Variants in ZMAT4 observed in about 807,000 individuals in gnomAD.
ZMAT4 encodes the protein zinc finger matrin-type protein 4.
A neutral mutation model predicts 28.7 loss-of-function variants in ZMAT4; 17 were observed. The observed-to-expected ratio is 0.59, with a 90% CI of 0.41 to 0.89. The LOEUF (loss-of-function observed/expected upper bound fraction) is 0.89, where lower values mean the gene tolerates loss of function less well. Ranked by LOEUF, ZMAT4 falls within the 40% of genes least tolerant of loss-of-function variation. The probability of loss-of-function intolerance (pLI) is 0.00; values close to 1 mark genes in which losing one functional copy is unlikely to be tolerated. For synonymous variants in ZMAT4, 117 were observed against 109.2 expected (o/e 1.07, Z -0.44); for missense variants, 240 against 283.8 (o/e 0.85, Z 1.11).
chr8:40,705,885 C>A (rs989830894), intron 3 of ZMAT4, among the ~76,000 whole-genome samples: 5 of 152,020 alleles, frequency 3.3e-5, no homozygotes, highest in African/African-American at 4.8e-5. Context: ...ATTTTATATT[C>A]TTTTTCTCAT....
intron 5 of ZMAT4, among the ~76,000 whole-genome samples, chr8:40,641,866 G>A (rs1183825693): frequency 1.3e-5 from 2 of 151,948 alleles, no homozygotes; most frequent in Admixed American, 6.6e-5. Flanking sequence ...TTTTTTAAAT[G>A]ACTTTACAAA....
intron 5 of ZMAT4, among the ~76,000 whole-genome samples, chr8:40,620,943 A>T (rs767975134): frequency 3.3e-5 from 5 of 152,190 alleles, no homozygotes; most frequent in Non-Finnish European, 5.9e-5. Flanking sequence ...TTCATTTCCA[A>T]TGCATCTTAG....
At chr8:40,621,352 A>C (rs1257347518) in intron 5 of ZMAT4, among the ~76,000 whole-genome samples, 1 of 152,212 alleles carries the variant, frequency 6.6e-6, no homozygotes, top group African/African-American at 2.4e-5. Flanking sequence ...CAAGAGTCTG[A>C]AGACAATCCC....
chr8:40,715,735 C>T (rs1810822868), intron 3 of ZMAT4, among the ~76,000 whole-genome samples: 1 of 152,120 alleles, frequency 6.6e-6, no homozygotes, highest in African/African-American at 2.4e-5. Context: ...ATGCATGGGG[C>T]AGATCTACAG....
chr8:40,631,003 A>G (rs1326309192), intron 5 of ZMAT4, among the ~76,000 whole-genome samples: 3 of 151,930 alleles, frequency 2.0e-5, no homozygotes, highest in African/African-American at 7.3e-5. Context: ...GCAAGTGTTG[A>G]AAATCTGGTG....
intron 1 of ZMAT4, among the ~76,000 whole-genome samples, chr8:40,874,147 G>A (rs139295209): frequency 9.8e-5 from 15 of 152,302 alleles, no homozygotes; most frequent in Non-Finnish European, 2.1e-4. Flanking sequence ...ACTCAGACCT[G>A]TTGTCAGCCT....
chr8:40,803,877 T>G (rs559639788), intron 2 of ZMAT4, among the ~76,000 whole-genome samples: 1 of 152,260 alleles, frequency 6.6e-6, no homozygotes, highest in South Asian at 2.1e-4. Context: ...ATCCAAACAA[T>G]GGACTATTAT....
At chr8:40,726,185 T>C (rs1811310613) in intron 3 of ZMAT4, among the ~76,000 whole-genome samples, 1 of 152,246 alleles carries the variant, frequency 6.6e-6, no homozygotes, top group Admixed American at 6.5e-5. Flanking sequence ...ACTGCCCAGA[T>C]GCACCTGCCT....
intron 5 of ZMAT4, among the ~76,000 whole-genome samples, chr8:40,606,124 C>T (rs552460237): frequency 5.9e-5 from 9 of 152,202 alleles, no homozygotes; most frequent in African/African-American, 2.2e-4. Context: ...AATTCTTACT[C>T]ATTCCACCAT....
intron 5 of ZMAT4, among the ~76,000 whole-genome samples, chr8:40,601,491 A>AAGAAAGAAAGAAAGAG (rs1238154422): frequency 6.9e-6 from 1 of 144,816 alleles, no homozygotes; most frequent in African/African-American, 2.6e-5. Flanking sequence ...GAAAGAAAGA[A>AAGAAAGAAAGAAAGAG]AGAGAGAAAG....
intron 2 of ZMAT4, among the ~76,000 whole-genome samples, chr8:40,790,687 T>C (rs1814288827): frequency 6.6e-6 from 1 of 152,190 alleles, no homozygotes; most frequent in African/African-American, 2.4e-5. Flanking sequence ...AGACTTGATA[T>C]TGTTAAGATG....
chr8:40,609,560 A>C (rs1364919368), intron 5 of ZMAT4, among the ~76,000 whole-genome samples: 1 of 152,170 alleles, frequency 6.6e-6, no homozygotes, highest in South Asian at 2.1e-4. Flanking sequence ...TTACTTGTCA[A>C]ACCCACAGTT....
At chr8:40,617,322 C>G (rs558511085) in intron 5 of ZMAT4, among the ~76,000 whole-genome samples, 1 of 152,304 alleles carries the variant, frequency 6.6e-6, no homozygotes, top group African/African-American at 2.4e-5. Flanking sequence ...TTCGGGGTCC[C>G]TCCAGACCTA....
intron 5 of ZMAT4, among the ~76,000 whole-genome samples, chr8:40,601,734 AGCAG>A (rs1288420033): frequency 2.0e-5 from 3 of 149,378 alleles, no homozygotes; most frequent in Admixed American, 6.6e-5. Context: ...AGAAAGAGAA[AGCAG>A]GCAGGCAGGC....
intron 4 of ZMAT4, among the ~76,000 whole-genome samples, chr8:40,686,262 C>T (rs1809402484): frequency 6.6e-6 from 1 of 151,872 alleles, no homozygotes; most frequent in Non-Finnish European, 1.5e-5. Context: ...CACCTGTAAT[C>T]CCAGCACTTT....
At position 40,624,133 on chromosome 8, in the gene ZMAT4, C is replaced by G. The variant is rs79891920; in HGVS notation, c.578-42872G>C. On this transcript the variant is annotated intron_variant, in intron 5 of 6. Coordinates refer to ENST00000297737, the MANE Select transcript of ZMAT4 (RefSeq NM_024645.3). Reference sequence around the variant, plus strand: ...CCCCCAAAATTCATATGTTGAAGCCCTAAACCCCAATGCTAATGCAACTAT... The same window carrying G: ...CCCCCAAAATTCATATGTTGAAGCCGTAAACCCCAATGCTAATGCAACTAT... Among the ~76,000 whole-genome samples, 1,483 of 152,288 alleles carry G rather than the reference C, an allele frequency of 9.7e-3. 20 individuals carry two copies. The highest frequency in any genetic ancestry group is 0.034 in the African/African-American group (1,405 of 41,554).
intron 5 of ZMAT4, among the ~76,000 whole-genome samples, chr8:40,631,677 C>CATAATGGTA (rs1806589268): frequency 6.6e-6 from 1 of 152,154 alleles, no homozygotes. Flanking sequence ...ACAGAAGCAA[C>CATAATGGTA]ATAATGGTAC....
At chr8:40,848,895 C>T (rs533697909) in intron 1 of ZMAT4, among the ~76,000 whole-genome samples, 22 of 152,160 alleles carry the variant, frequency 1.4e-4, no homozygotes, top group Non-Finnish European at 2.6e-4. Flanking sequence ...AAAACAAAGT[C>T]GGCACCTACA....
chr8:40,673,694 T>C (rs187918447), intron 5 of ZMAT4, among the ~76,000 whole-genome samples: 1 of 152,300 alleles, frequency 6.6e-6, no homozygotes, highest in East Asian at 1.9e-4. Context: ...TGATCAAAAA[T>C]GCTTAAATGG....
Sources: gnomAD v4.1 joint callset for allele counts (sites outside exome capture counted in the v4.1 genomes callset) on GRCh38, gnomAD v4.1.1 for gene constraint, MANE v1.5 for transcripts, NCBI Gene and HGNC (gene_info 2026-07-23, HGNC 2026-07-21) for gene names.